The following CSGALNACT1 variants were observed in gnomAD, a reference collection of about 807,000 sequenced individuals.
The protein encoded by CSGALNACT1 is chondroitin sulfate N-acetylgalactosaminyltransferase 1.
A neutral mutation model predicts 51.0 loss-of-function variants in CSGALNACT1; 52 were observed. The observed-to-expected ratio is 1.02, with a 90% CI of 0.82 to 1.29. CSGALNACT1 has a LOEUF of 1.29. CSGALNACT1 is among the 50% of genes most tolerant of loss of function. The probability of loss-of-function intolerance (pLI) is 0.00; values close to 1 mark genes in which losing one functional copy is unlikely to be tolerated. For missense variants in CSGALNACT1, 935 were observed against 679.2 expected, an observed-to-expected ratio of 1.38 and a Z score of -4.19; for synonymous variants, 341 against 254.4, an observed-to-expected ratio of 1.34 and a Z score of -3.24.
chr8:19,645,977 G>A (rs1476792356), intron 1 of CSGALNACT1, among the ~76,000 whole-genome samples: 1 of 152,166 alleles, frequency 6.6e-6, no homozygotes, highest in East Asian at 1.9e-4. Flanking sequence ...CCTCCAAAGA[G>A]AGGGAAAAGC....
chr8:19,454,704 G>A (rs1003156780), intron 5 of CSGALNACT1, among the ~76,000 whole-genome samples: 5 of 151,882 alleles, frequency 3.3e-5, no homozygotes, highest in Non-Finnish European at 7.4e-5. Context: ...ACAAAAATCA[G>A]AAGATGAGAC....
At chr8:19,704,786 T>A (rs1396587690) in intron 1 of CSGALNACT1, among the ~76,000 whole-genome samples, 3 of 152,162 alleles carry the variant, frequency 2.0e-5, no homozygotes, top group African/African-American at 7.2e-5. Flanking sequence ...AATCCTGCCA[T>A]TTGTGATAAC....
chr8:19,559,219 A>G (rs2154094331), intron 3 of CSGALNACT1, among the ~76,000 whole-genome samples: 1 of 152,218 alleles, frequency 6.6e-6, no homozygotes, highest in East Asian at 1.9e-4. Flanking sequence ...AGTAATATAT[A>G]TCATGACCAA....
chr8:19,622,667 C>T (rs1011599709), intron 1 of CSGALNACT1, among the ~76,000 whole-genome samples: 1 of 151,906 alleles, frequency 6.6e-6, no homozygotes, highest in Non-Finnish European at 1.5e-5. Context: ...TTTAAATTAG[C>T]CTTTAGTAAG....
intron 8 of CSGALNACT1, among the ~76,000 whole-genome samples, chr8:19,411,605 A>T (rs76675825): frequency 0.014 from 2,111 of 152,172 alleles, 42 homozygotes; most frequent in African/African-American, 0.048. Flanking sequence ...AAGAGACAAA[A>T]ATGTTTTCAC....
intron 6 of CSGALNACT1, among the ~76,000 whole-genome samples, chr8:19,426,612 T>G (rs534187307): frequency 1.3e-5 from 2 of 152,338 alleles, no homozygotes; most frequent in Non-Finnish European, 2.9e-5. Flanking sequence ...TCTTTTTCTT[T>G]TCTTGAATTG....
chr8:19,459,376 T>A (rs10106874), intron 4 of CSGALNACT1, among the ~76,000 whole-genome samples: 3 of 134,990 alleles, frequency 2.2e-5, no homozygotes, highest in East Asian at 2.2e-4. Flanking sequence ...GAGCGAAACT[T>A]TATCTCAAAA....
chr8:19,427,216 G>C (rs920041664), intron 6 of CSGALNACT1, among the ~76,000 whole-genome samples: 1 of 152,176 alleles, frequency 6.6e-6, no homozygotes, highest in Middle Eastern at 3.2e-3. Flanking sequence ...GTGAGCATGA[G>C]GCACAGTTCA....
intron 1 of CSGALNACT1, among the ~76,000 whole-genome samples, chr8:19,633,793 C>G (rs2055622995): frequency 6.6e-6 from 1 of 152,194 alleles, no homozygotes; most frequent in Non-Finnish European, 1.5e-5. Context: ...CCCTGAGAAA[C>G]TGATACACAT....
At chr8:19,549,657 T>A (rs866668171) in intron 3 of CSGALNACT1, among the ~76,000 whole-genome samples, 1 of 36,500 alleles carries the variant, frequency 2.7e-5, no homozygotes, top group African/African-American at 3.2e-4. Flanking sequence ...AATTTCCTAC[T>A]TTTTTTTTTT....
At chr8:19,426,480 T>C (rs2058792880) in intron 6 of CSGALNACT1, among the ~76,000 whole-genome samples, 1 of 152,312 alleles carries the variant, frequency 6.6e-6, no homozygotes, top group Non-Finnish European at 1.5e-5. Flanking sequence ...CCTAAAGCAA[T>C]GGCAAAGAAA....
chr8:19,433,283 T>A (rs2059910535), intron 6 of CSGALNACT1, among the ~76,000 whole-genome samples: 1 of 152,176 alleles, frequency 6.6e-6, no homozygotes, highest in Non-Finnish European at 1.5e-5. Flanking sequence ...ATCAATGCCT[T>A]ATTTATCCTT....
intron 6 of CSGALNACT1, among the ~76,000 whole-genome samples, chr8:19,435,915 T>G (rs2060302128): frequency 6.6e-6 from 1 of 152,136 alleles, no homozygotes; most frequent in South Asian, 2.1e-4. Context: ...GAAATTAAAC[T>G]TTCATGAAAG....
At chr8:19,478,633 T>C (rs2070477996) in intron 4 of CSGALNACT1, among the ~76,000 whole-genome samples, 1 of 152,148 alleles carries the variant, frequency 6.6e-6, no homozygotes, top group Admixed American at 6.5e-5. Flanking sequence ...CATGGGACAC[T>C]GGTACTTCGC....
At chr8:19,518,926 A>G (rs2080095075) in intron 3 of CSGALNACT1, among the ~76,000 whole-genome samples, 1 of 152,212 alleles carries the variant, frequency 6.6e-6, no homozygotes, top group South Asian at 2.1e-4. Flanking sequence ...AGTGAAAAGA[A>G]GCACAGAAAG....
At chr8:19,453,976 C>A (rs919486068) in intron 5 of CSGALNACT1, among the ~76,000 whole-genome samples, 7 of 152,024 alleles carry the variant, frequency 4.6e-5, no homozygotes, top group African/African-American at 1.7e-4. Flanking sequence ...GAGACATATC[C>A]TGATTAAGTG....
chr8:19,543,458 C>T (rs1316540679), intron 3 of CSGALNACT1, among the ~76,000 whole-genome samples: 2 of 152,164 alleles, frequency 1.3e-5, no homozygotes, highest in East Asian at 1.9e-4. Context: ...TTTTGCTGTG[C>T]CTAGACTGTT....
chr8:19,530,841 C>T (rs540971789), intron 3 of CSGALNACT1, among the ~76,000 whole-genome samples: 3 of 152,306 alleles, frequency 2.0e-5, no homozygotes, highest in South Asian at 2.1e-4. Context: ...AAAAGAGTCA[C>T]ACGAAATGAG....
At chr8:19,407,276 G>A (rs565120643) in intron 9 of CSGALNACT1, among the ~76,000 whole-genome samples, 146 of 152,062 alleles carry the variant, frequency 9.6e-4, no homozygotes, top group African/African-American at 3.4e-3. Flanking sequence ...AACAATCGTG[G>A]GTCTACCCCT....
Sources: allele counts gnomAD v4.1 joint callset (sites outside exome capture counted in the v4.1 genomes callset), GRCh38; gene constraint gnomAD v4.1.1; transcripts MANE v1.5; gene names NCBI Gene and HGNC (gene_info 2026-07-23, HGNC 2026-07-21).